SPMAP2L: variants seen among roughly 807,000 people sequenced by gnomAD.
SPMAP2L encodes the protein sperm microtubule associated protein 2-like.
the SPMAP2L span, among the ~76,000 whole-genome samples, chr4:56,596,862 G>A: frequency 3.3e-5 from 5 of 152,182 alleles, no homozygotes; most frequent in East Asian, 1.9e-4. Flanking sequence ...TTGCAGCCTC[G>A]TCACTACAAG....
the SPMAP2L span, among the ~76,000 whole-genome samples, chr4:56,605,477 G>C: frequency 6.6e-6 from 1 of 151,876 alleles, no homozygotes; most frequent in Non-Finnish European, 1.5e-5. Context: ...GGGAAAGTGA[G>C]AGAAGGCTTC....
At chr4:56,605,013 TAGG>T in the SPMAP2L span, among the ~76,000 whole-genome samples, 1 of 152,070 alleles carries the variant, frequency 6.6e-6, no homozygotes, top group Non-Finnish European at 1.5e-5. Context: ...GGAAGGCTGG[TAGG>T]GGGGTGAGGA....
chr4:56,606,956 A>G, the SPMAP2L span, among the ~76,000 whole-genome samples: 1 of 152,296 alleles, frequency 6.6e-6, no homozygotes, highest in African/African-American at 2.4e-5. Flanking sequence ...TGGAGACAGT[A>G]AGAAGTGACA....
chr4:56,596,206 T>C, the SPMAP2L span, among the ~76,000 whole-genome samples: 1 of 152,226 alleles, frequency 6.6e-6, no homozygotes, highest in African/African-American at 2.4e-5. Context: ...CCTCTTTTTC[T>C]GTGTGAGGTT....
At chr4:56,594,686 A>T in the SPMAP2L span, 1 of 1,300,062 alleles carries the variant, frequency 7.7e-7, no homozygotes, top group South Asian at 1.2e-5. Context: ...TGGGAATATC[A>T]ATGCAGTTCA....
At chr4:56,620,893 T>G in the SPMAP2L span, among the ~76,000 whole-genome samples, 1 of 152,238 alleles carries the variant, frequency 6.6e-6, no homozygotes. Flanking sequence ...GTTAGCAAAC[T>G]GTAATCCTCT....
the SPMAP2L span, among the ~76,000 whole-genome samples, chr4:56,612,983 C>T: frequency 2.0e-5 from 3 of 152,152 alleles, no homozygotes; most frequent in Non-Finnish European, 4.4e-5. Flanking sequence ...CCCAGCAAAC[C>T]TCTAAGCGGA....
the SPMAP2L span, among the ~76,000 whole-genome samples, chr4:56,619,844 T>C: frequency 6.6e-6 from 1 of 152,030 alleles, no homozygotes. Flanking sequence ...CCAATATATA[T>C]AAGGAACTCC....
chr4:56,548,713 A>T, the SPMAP2L span: 2 of 1,035,570 alleles, frequency 1.9e-6, no homozygotes, highest in Non-Finnish European at 2.6e-6. Context: ...TTTCTCTTTT[A>T]ATTTGTGATG....
At chr4:56,584,866 C>T in the SPMAP2L span, among the ~76,000 whole-genome samples, 1 of 152,120 alleles carries the variant, frequency 6.6e-6, no homozygotes, top group Non-Finnish European at 1.5e-5. Context: ...GGTGGAGAAG[C>T]CTGTGGAAGG....
chr4:56,576,749 T>C, the SPMAP2L span, among the ~76,000 whole-genome samples: 1 of 152,226 alleles, frequency 6.6e-6, no homozygotes, highest in Non-Finnish European at 1.5e-5. Flanking sequence ...ACCAAATACA[T>C]AAAATTTGGT....
chr4:56,532,634 C>T, the SPMAP2L span, among the ~76,000 whole-genome samples: 21 of 152,140 alleles, frequency 1.4e-4, no homozygotes, highest in Admixed American at 3.9e-4. Flanking sequence ...AAAGAGTTGT[C>T]TATACTCACT....
At chr4:56,593,252 G>T in the SPMAP2L span, 3 of 1,263,850 alleles carry the variant, frequency 2.4e-6, no homozygotes, top group South Asian at 3.6e-5. Flanking sequence ...CCTGCTGGAT[G>T]AGGGACTGCG....
chr4:56,623,444 G>A, the SPMAP2L span, among the ~76,000 whole-genome samples: 2 of 152,158 alleles, frequency 1.3e-5, no homozygotes, highest in African/African-American at 2.4e-5. Flanking sequence ...AGGCAATGAG[G>A]CCAAGAGCCT....
At chr4:56,535,356 G>A in the SPMAP2L span, among the ~76,000 whole-genome samples, 305 of 152,274 alleles carry the variant, frequency 2.0e-3, no homozygotes, top group Non-Finnish European at 3.1e-3. Flanking sequence ...GGGCCTGGTC[G>A]TTAAAGATCG....
chr4:56,625,485 C>G, the SPMAP2L span, among the ~76,000 whole-genome samples: 3 of 152,222 alleles, frequency 2.0e-5, no homozygotes, highest in Admixed American at 2.0e-4. Context: ...ACCCAAATCT[C>G]AACTTGAATT....
At chr4:56,560,604 A>T in the SPMAP2L span, among the ~76,000 whole-genome samples, 141,593 of 151,972 alleles carry the variant, frequency 0.93, 66,068 homozygotes, top group Admixed American at 0.95. Context: ...ATCATTTTTT[A>T]AAAAATTGAG....
chr4:56,575,884 C>T, the SPMAP2L span, among the ~76,000 whole-genome samples: 1 of 152,246 alleles, frequency 6.6e-6, no homozygotes, highest in Middle Eastern at 3.4e-3. Context: ...CATTGTTAGC[C>T]AGTTAAAAGG....
the SPMAP2L span, among the ~76,000 whole-genome samples, chr4:56,618,634 G>A: frequency 2.6e-5 from 4 of 152,084 alleles, no homozygotes; most frequent in African/African-American, 7.2e-5. Context: ...GAAGGTTACC[G>A]CCCCCATGAT....
Sources: gnomAD v4.1 joint callset for allele counts (sites outside exome capture counted in the v4.1 genomes callset) on GRCh38, gnomAD v4.1.1 for gene constraint, MANE v1.5 for transcripts, NCBI Gene and HGNC (gene_info 2026-07-23, HGNC 2026-07-21) for gene names.